Variants in DMD observed in about 807,000 individuals in gnomAD.
DMD encodes mutant dystrophin.
Under a neutral mutation model 330.1 loss-of-function variants are expected in DMD, and 63 were observed. That is an observed-to-expected ratio of 0.19 (90% CI 0.16 to 0.24). The LOEUF (loss-of-function observed/expected upper bound fraction) is 0.24, where lower values mean the gene tolerates loss of function less well. Ranked by LOEUF, DMD falls within the 10% of genes least tolerant of loss-of-function variation. DMD has a pLI of 1.00. For synonymous variants in DMD, 1,223 were observed against 959.8 expected (o/e 1.27, Z -5.07); for missense variants, 3,344 against 2,684.1 (o/e 1.25, Z -5.43).
intron 29 of DMD, among the ~76,000 whole-genome samples, chrX:32,415,791 G>C (rs1367022385): frequency 8.9e-6 from 1 of 111,795 alleles, no homozygotes; most frequent in Admixed American, 9.5e-5. Flanking sequence ...AACAATCCTA[G>C]TAATGGTTAC....
chrX:32,082,634 T>TA (rs1288625789), intron 44 of DMD, among the ~76,000 whole-genome samples: 1 of 111,771 alleles, frequency 8.9e-6, no homozygotes, highest in African/African-American at 3.3e-5. Flanking sequence ...ACATCCTTTG[T>TA]AAAAAACAGC....
rs2082486817 is a variant in DMD at position 32,215,234 on chromosome X, G to A, written c.6438+1682C>T. Among the ~76,000 whole-genome samples the A allele has an allele frequency of 3.6e-5, 4 of 111,160 alleles. No individual in the cohort carries two copies. The Admixed American group carries it at 3.8e-4, about 11-fold the overall frequency. On this transcript the variant is annotated intron_variant, in intron 44 of 78. Coordinates refer to ENST00000357033, the MANE Select transcript of DMD (RefSeq NM_004006.3). The stretch of plus-strand genomic sequence containing the variant: ...AATGAACATAACATCAGTGAGTAGT[G>A]GGGCACTTTAAGGAGCCTAATAAAT...
At chrX:32,356,379 TAAAAAAA>T (rs71888370) in intron 37 of DMD, among the ~76,000 whole-genome samples, 92 of 52,719 alleles carry the variant, frequency 1.7e-3, no homozygotes, top group Admixed American at 9.3e-3. Flanking sequence ...TGAATGGAAG[TAAAAAAA>T]AAAAAAAAAA....
At chrX:31,250,651 A>T (rs5972351) in intron 63 of DMD, among the ~76,000 whole-genome samples, 9,589 of 111,541 alleles carry the variant, frequency 0.086, 344 homozygotes, top group Non-Finnish European at 0.11. Context: ...ATTCATGATC[A>T]ATGAATTCAT....
At chrX:32,938,607 T>C (rs774464518) in intron 2 of DMD, among the ~76,000 whole-genome samples, 1 of 111,957 alleles carries the variant, frequency 8.9e-6, no homozygotes, top group South Asian at 3.7e-4. Context: ...TACTGTAGAA[T>C]TAGGCAATTA....
At chrX:32,732,425 C>A (rs1396335687) in intron 7 of DMD, among the ~76,000 whole-genome samples, 1 of 110,285 alleles carries the variant, frequency 9.1e-6, no homozygotes, top group South Asian at 3.9e-4. Flanking sequence ...CACAAAGATA[C>A]TCCTCGAGAA....
chrX:31,552,636 C>T (rs1285889344), intron 55 of DMD, among the ~76,000 whole-genome samples: 1 of 111,765 alleles, frequency 8.9e-6, no homozygotes, highest in African/African-American at 3.3e-5. Context: ...CTTCCAACCT[C>T]ACTGCTGCCC....
intron 2 of DMD, among the ~76,000 whole-genome samples, chrX:32,904,441 G>A (rs1226003319): frequency 8.9e-6 from 1 of 111,893 alleles, no homozygotes; most frequent in Non-Finnish European, 1.9e-5. Flanking sequence ...GATAAGTGGG[G>A]TCAAGAGCCT....
chrX:32,509,641 C>A (rs2045067626), intron 18 of DMD, among the ~76,000 whole-genome samples: 1 of 111,988 alleles, frequency 8.9e-6, no homozygotes, highest in Non-Finnish European at 1.9e-5. Context: ...GACTGATGTT[C>A]AGTTCTCACT....
intron 47 of DMD, among the ~76,000 whole-genome samples, chrX:31,911,529 A>C (rs2094547187): frequency 9.3e-6 from 1 of 107,934 alleles, no homozygotes; most frequent in Non-Finnish European, 1.9e-5. Flanking sequence ...ATGACTTATT[A>C]CTTGCTGTTT....
rs1335226763 is a variant in DMD at position 33,291,837 on chromosome X, T to C, written c.7+47422A>G. ...TATATACTGAAACAATTCAATAATT[T>C]GATGGCTGCATAATTTGCTATTTTA... On this transcript the variant is annotated intron_variant, in intron 1 of 17. Transcript: ENST00000288447. Among the ~76,000 whole-genome samples the C allele has an allele frequency of 2.7e-5, 3 of 111,830 alleles. No homozygotes were observed. The Admixed American group carries it at 2.9e-4, about 11-fold the overall frequency.
intron 2 of DMD, among the ~76,000 whole-genome samples, chrX:32,952,919 G>C (rs1023610822): frequency 9.1e-6 from 1 of 109,965 alleles, no homozygotes; most frequent in Admixed American, 9.8e-5. Context: ...CAGATCACTT[G>C]AGGTCAGGAG....
chrX:31,279,242 G>T (rs937946572), intron 62 of DMD, among the ~76,000 whole-genome samples: 2 of 112,443 alleles, frequency 1.8e-5, no homozygotes, highest in South Asian at 7.4e-4. Flanking sequence ...AAACAGTTTA[G>T]CCTAGCAATG....
At chrX:32,398,081 G>A (rs1166056951) in intron 30 of DMD, among the ~76,000 whole-genome samples, 4 of 110,037 alleles carry the variant, frequency 3.6e-5, no homozygotes, top group African/African-American at 1.3e-4. Flanking sequence ...CTTAGAAAAC[G>A]AAAGAAACAA....
chrX:32,557,033 G>T (rs1037217556), intron 16 of DMD, among the ~76,000 whole-genome samples: 2 of 111,745 alleles, frequency 1.8e-5, no homozygotes, highest in African/African-American at 3.2e-5. Context: ...TTATTCAAAA[G>T]ATCTAGAAAA....
intron 43 of DMD, among the ~76,000 whole-genome samples, chrX:32,261,083 G>A (rs183983911): frequency 8.9e-6 from 1 of 111,943 alleles, no homozygotes; most frequent in East Asian, 2.8e-4. Context: ...AACTGATGGT[G>A]TTGATCAGTC....
chrX:33,038,070 G>A (rs1450928836), intron 1 of DMD, among the ~76,000 whole-genome samples: 2 of 112,235 alleles, frequency 1.8e-5, no homozygotes, highest in Non-Finnish European at 3.8e-5. Flanking sequence ...AAATACAAAT[G>A]TATCTTAATA....
intron 43 of DMD, among the ~76,000 whole-genome samples, chrX:32,280,006 CATATATATAT>C (rs2097409986): frequency 1.5e-5 from 1 of 67,022 alleles, no homozygotes; most frequent in Non-Finnish European, 2.7e-5. Context: ...ATGTACCCCA[CATATATATAT>C]GTACCCCACA....
intron 11 of DMD, among the ~76,000 whole-genome samples, chrX:32,637,124 A>G (rs991190435): frequency 5.3e-5 from 6 of 112,355 alleles, no homozygotes; most frequent in African/African-American, 1.9e-4. Context: ...TCAGGAGCCA[A>G]GGACAAATAT....
Sources: gnomAD v4.1 joint callset for allele counts (sites outside exome capture counted in the v4.1 genomes callset) on GRCh38, gnomAD v4.1.1 for gene constraint, MANE v1.5 for transcripts, NCBI Gene and HGNC (gene_info 2026-07-23, HGNC 2026-07-21) for gene names.